The following RNF32 variants were observed in gnomAD, a reference collection of about 807,000 sequenced individuals.
RNF32 encodes the protein ring finger protein 32.
In RNF32, 36 loss-of-function variants were observed where a neutral mutation model predicts 41.0. The observed-to-expected ratio is 0.88, with a 90% CI of 0.67 to 1.16. The LOEUF (loss-of-function observed/expected upper bound fraction) is 1.16, where lower values mean the gene tolerates loss of function less well. Ranked by LOEUF, RNF32 falls within the 50% of genes most tolerant of loss-of-function variation. The pLI is 0.00. For synonymous variants in RNF32, 154 were observed against 160.9 expected, an observed-to-expected ratio of 0.96 and a Z score of 0.32; for missense variants, 413 against 436.7, an observed-to-expected ratio of 0.95 and a Z score of 0.48.
chr7:156,661,873 A>C (rs966050186), intron 7 of RNF32, among the ~76,000 whole-genome samples: 1 of 152,170 alleles, frequency 6.6e-6, no homozygotes, highest in Non-Finnish European at 1.5e-5. Context: ...TATCTGCTGA[A>C]CTGTAATCTT....
chr7:156,658,046 A>C, intron 5 of RNF32, 82 bp from the exon 6 acceptor site: 1 of 1,381,532 alleles, frequency 7.2e-7, no homozygotes, highest in African/African-American at 1.4e-5. Context: ...AGAACACTAT[A>C]ATTAGAACAC....
intron 7 of RNF32, among the ~76,000 whole-genome samples, chr7:156,672,791 G>T (rs964613377): frequency 6.6e-6 from 1 of 152,202 alleles, no homozygotes; most frequent in Non-Finnish European, 1.5e-5. Flanking sequence ...GAAAGCGCAC[G>T]CACAGCGATA....
At chr7:156,660,845 T>C (rs1380247019) in intron 7 of RNF32, among the ~76,000 whole-genome samples, 1 of 152,176 alleles carries the variant, frequency 6.6e-6, no homozygotes, top group Non-Finnish European at 1.5e-5. Flanking sequence ...TTTCATACAT[T>C]TTAGGGAGGC....
chr7:156,666,154 A>G (rs1252180459), intron 7 of RNF32, among the ~76,000 whole-genome samples: 1 of 152,170 alleles, frequency 6.6e-6, no homozygotes, highest in Non-Finnish European at 1.5e-5. Flanking sequence ...GCTGATTAGG[A>G]AGTGTTTGTT....
intron 3 of RNF32, among the ~76,000 whole-genome samples, chr7:156,650,713 G>A (rs1798599000): frequency 6.6e-6 from 1 of 152,222 alleles, no homozygotes; most frequent in Non-Finnish European, 1.5e-5. Flanking sequence ...AGTCTAAGAG[G>A]AAGGGTGGTG....
At chr7:156,651,880 G>A (rs1478403098) in intron 3 of RNF32, among the ~76,000 whole-genome samples, 3 of 152,148 alleles carry the variant, frequency 2.0e-5, no homozygotes, top group Non-Finnish European at 4.4e-5. Flanking sequence ...CAATGGGGAC[G>A]TTGCTTCTGG....
At chr7:156,645,820 T>C (rs1478843929) in intron 3 of RNF32, among the ~76,000 whole-genome samples, 1 of 152,220 alleles carries the variant, frequency 6.6e-6, no homozygotes, top group East Asian at 1.9e-4. Flanking sequence ...CAACATGAAA[T>C]GTATCCCAAA....
rs1797326181 is a variant in RNF32 at position 156,641,592 on chromosome 7, TTAA to T, written c.-78+783_-78+785del. ...AATTCTGAATTTTAAACTCTAAAACTTAATGATACCGTAGGACTTTAAGAGAGT... is the reference window on the plus strand; with the variant it reads ...AATTCTGAATTTTAAACTCTAAAACTTGATACCGTAGGACTTTAAGAGAGT... On this transcript the variant is annotated intron_variant, in intron 1 of 8. Transcript: ENST00000317955. 2.0e-5 allele frequency among the ~76,000 whole-genome samples: 3 copies of T among 152,244 alleles called. No homozygotes were observed. The South Asian group carries it at 6.2e-4, about 32-fold the overall frequency.
In RNF32 at chr7:156,657,564, G is replaced by A. The variant is rs756369552; in HGVS notation, c.441G>A (p.Val147=). ...RPQVLLSCSH[V]FHKACLQAFE... is the part of the protein sequence containing the mutation. Reference sequence around the variant, plus strand: ...AGGTGCTGCTTTCATGCTCCCATGTGTTCCACAAAGTAAGTCCACCCCTCA... The same window carrying A: ...AGGTGCTGCTTTCATGCTCCCATGTATTCCACAAAGTAAGTCCACCCCTCA... Residue 147 remains valine (V), a synonymous_variant, in exon 5 of 9, where the codon GTG becomes GTA. Transcript: ENST00000317955. 2 of 1,614,110 alleles carry A rather than the reference G, an allele frequency of 1.2e-6. No individual in the cohort carries two copies. Among genetic ancestry groups the A allele is most frequent in the South Asian group, 2.2e-5 (2 of 91,082 alleles).
intron 1 of RNF32, among the ~76,000 whole-genome samples, 166 bp from the exon 2 acceptor site, chr7:156,643,635 G>A (rs1169603307): frequency 6.6e-6 from 1 of 152,200 alleles, no homozygotes. Context: ...TAACTGACTT[G>A]AGTTCACCCC....
chr7:156,660,041 C>G (rs1162842851), intron 7 of RNF32: 17 of 985,604 alleles, frequency 1.7e-5, no homozygotes, highest in Non-Finnish European at 1.8e-5. Flanking sequence ...GGCCATCCCA[C>G]CTCCCCACAA....
intron 7 of RNF32, among the ~76,000 whole-genome samples, chr7:156,671,579 GT>G (rs1231858576): frequency 6.6e-5 from 10 of 151,500 alleles, no homozygotes; most frequent in African/African-American, 1.9e-4. Flanking sequence ...AGACATTTAT[GT>G]TTTATAAGTT....
intron 7 of RNF32, chr7:156,659,809 T>G: frequency 4.0e-6 from 3 of 759,204 alleles, no homozygotes; most frequent in Non-Finnish European, 4.8e-6. Flanking sequence ...GAAGGTTAAG[T>G]TTCAGCGTTC....
chr7:156,643,803 G>A lies in RNF32; in HGVS notation c.-75G>A. The A allele has an allele frequency of 7.3e-7, 1 of 1,363,686 alleles. No homozygotes were observed. The highest frequency in any genetic ancestry group is 1.0e-6 in the Non-Finnish European group (1 of 955,774). 84.5% of individuals were successfully genotyped at this position (1,363,686 alleles called of 1,614,324 possible). A position where few individuals can be genotyped will look rare whatever the true frequency, so the allele number is the denominator to read the frequency against. On this transcript the variant is annotated splice_region_variant and 5_prime_UTR_variant, in exon 2 of 9. Transcript: ENST00000317955. ...TTCTGTTGACCACGTCTTTGCAGCA[G>A]AAGAATAGAAGGAAGGTGATAGGAT...
intron 3 of RNF32, chr7:156,646,540 G>A: frequency 2.3e-6 from 3 of 1,284,986 alleles, no homozygotes; most frequent in Non-Finnish European, 3.1e-6. Context: ...TCCAAATAAG[G>A]TCAACATCCA....
upstream of RNF32, chr7:156,640,494 T>TA (rs1797130001): frequency 2.8e-6 from 1 of 353,292 alleles, no homozygotes. Context: ...CGCCAGGCGA[T>TA]CCCCAAAAAC....
At position 156,644,822 on chromosome 7, in the gene RNF32, G is replaced by A. The variant is rs1001992940; in HGVS notation, c.274+65G>A. 41 of 1,481,384 alleles carry A rather than the reference G, an allele frequency of 2.8e-5. No individual in the cohort carries two copies. The Admixed American group carries it at 7.3e-4, about 26-fold the overall frequency. The allele number at this position is 1,481,384 out of a possible 1,614,324, so 91.8% of individuals were successfully genotyped here. A position where few individuals can be genotyped will look rare whatever the true frequency, so the allele number is the denominator to read the frequency against. On this transcript the variant is annotated intron_variant, in intron 3 of 8. Transcript: ENST00000317955. ...CTAAAAAAATCTATTGAGATTAATA[G>A]TATAATTTTTTATGTTACAGAAATA... is the stretch of plus-strand genomic sequence containing the variant.
At chr7:156,648,674 T>G (rs758425170) in intron 3 of RNF32, among the ~76,000 whole-genome samples, 9 of 152,236 alleles carry the variant, frequency 5.9e-5, no homozygotes, top group Non-Finnish European at 1.2e-4. Context: ...TGTCTATACA[T>G]AATATTCCAC....
chr7:156,649,156 C>CT (rs760335985), intron 3 of RNF32, among the ~76,000 whole-genome samples: 2,855 of 146,344 alleles, frequency 0.02, 87 homozygotes, highest in African/African-American at 0.066. Flanking sequence ...GACGTTTCCT[C>CT]TTTTTTTTTT....
Sources: allele counts gnomAD v4.1 joint callset (sites outside exome capture counted in the v4.1 genomes callset), GRCh38; gene constraint gnomAD v4.1.1; transcripts MANE v1.5; gene names NCBI Gene and HGNC (gene_info 2026-07-23, HGNC 2026-07-21).